The following LIPA variants were observed in gnomAD, a reference collection of about 807,000 sequenced individuals.
LIPA encodes the protein lysosomal acid lipase/cholesteryl ester hydrolase.
LIPA carries 26 observed loss-of-function variants against 40.6 expected under a neutral mutation model. The ratio of observed to expected loss-of-function variants is 0.64; its 90% confidence interval spans 0.47 to 0.89. The LOEUF (loss-of-function observed/expected upper bound fraction) is 0.89, where lower values mean the gene tolerates loss of function less well. Ranked by LOEUF, LIPA falls within the 40% of genes least tolerant of loss-of-function variation. LIPA has a pLI of 0.00. For synonymous variants in LIPA, 188 were observed against 168.4 expected (o/e 1.12, Z -0.90); for missense variants, 455 against 479.6 (o/e 0.95, Z 0.48).
chr10:89,302,845 C>T (rs1225565186), intron 1 of LIPA, among the ~76,000 whole-genome samples: 1 of 152,074 alleles, frequency 6.6e-6, no homozygotes, highest in Non-Finnish European at 1.5e-5. Context: ...GGTGGGGTGG[C>T]CGGACCTGGT....
chr10:89,339,683 G>A lies in LIPA; in HGVS notation c.-2+2928C>T, dbSNP rs1057193413. On this transcript the variant is annotated intron_variant, in intron 1 of 5. Coordinates refer to the LIPA transcript ENST00000282673. ...CTCGCTGAGTTCCTGGAGACGGAATGTTATCAGACACCATTCAATAAGGAA... is the reference window on the plus strand; with the variant it reads ...CTCGCTGAGTTCCTGGAGACGGAATATTATCAGACACCATTCAATAAGGAA... 1.9e-6 allele frequency: 3 copies of A among 1,614,198 alleles called. No individual in the cohort carries two copies. The highest frequency in any genetic ancestry group is 2.2e-5 in the South Asian group (2 of 91,086).
At chr10:89,380,866 T>C (rs1054277864) in intron 2 of LIPA, among the ~76,000 whole-genome samples, 7 of 152,220 alleles carry the variant, frequency 4.6e-5, no homozygotes, top group African/African-American at 1.7e-4. Flanking sequence ...TTCTACTCCT[T>C]AGTCTTCCCA....
At chr10:89,323,586 G>A (rs1288017565) in intron 1 of LIPA, among the ~76,000 whole-genome samples, 2 of 152,056 alleles carry the variant, frequency 1.3e-5, no homozygotes, top group Non-Finnish European at 1.5e-5. Flanking sequence ...CTTCAGCAAA[G>A]TTCCAGGATA....
intron 2 of LIPA, chr10:89,404,769 A>G (rs1449627963): frequency 6.6e-6 from 1 of 152,268 alleles, no homozygotes; most frequent in South Asian, 2.1e-4. Context: ...AGCCTTGGCA[A>G]TGGCAAAACC....
chr10:89,242,566 G>C lies in LIPA; in HGVS notation c.229+3110C>G, dbSNP rs116640429. On this transcript the variant is annotated intron_variant, in intron 3 of 9. Transcript: ENST00000336233. Reference sequence around the variant, plus strand: ...AGCCCTGTGTTCATAAAAAAAACCTGATCTCCAAGTGAGGCTACACAGTCA... The same window carrying C: ...AGCCCTGTGTTCATAAAAAAAACCTCATCTCCAAGTGAGGCTACACAGTCA... Among the ~76,000 whole-genome samples, 1,114 of 152,274 alleles carry C rather than the reference G, an allele frequency of 7.3e-3. 13 individuals carry two copies. Among genetic ancestry groups the C allele is most frequent in the African/African-American group, 0.026 (1,080 of 41,556 alleles).
intron 1 of LIPA, chr10:89,327,862 G>A (rs1324370606): frequency 1.9e-6 from 1 of 532,762 alleles, no homozygotes; most frequent in Non-Finnish European, 3.4e-6. Context: ...TCCTCCCAAC[G>A]ATTTTAAATT....
intron 1 of LIPA, chr10:89,339,005 T>C: frequency 6.2e-7 from 1 of 1,614,184 alleles, no homozygotes; most frequent in South Asian, 1.1e-5. Flanking sequence ...CAGATTTATG[T>C]AGATAAGGTG....
At chr10:89,376,031 A>G (rs1291533928) in intron 2 of LIPA, among the ~76,000 whole-genome samples, 1 of 151,988 alleles carries the variant, frequency 6.6e-6, no homozygotes, top group Non-Finnish European at 1.5e-5. Flanking sequence ...TACTAAAAAT[A>G]CAAAAAAATA....
At chr10:89,412,314 G>C (rs1180854899) in intron 2 of LIPA, among the ~76,000 whole-genome samples, 1 of 152,064 alleles carries the variant, frequency 6.6e-6, no homozygotes, top group African/African-American at 2.4e-5. Context: ...TCTGTGTGTA[G>C]CTAAAAGTTT....
intron 3 of LIPA, among the ~76,000 whole-genome samples, chr10:89,232,717 C>T (rs1842857436): frequency 6.6e-6 from 1 of 152,150 alleles, no homozygotes; most frequent in South Asian, 2.1e-4. Flanking sequence ...ACTCAGCTCC[C>T]CACCTTCTCT....
In LIPA at chr10:89,361,875, C is replaced by CTT. The variant is rs59818683; in HGVS notation, c.61+50914_61+50915dup. ...AATCCACCCCCCACCCTCCACCTGC[C>CTT]TTTTTTTTTTTTTTTTTTTTTTTTT... On this transcript the variant is annotated intron_variant, in intron 2 of 8. Coordinates refer to the LIPA transcript ENST00000371837. Among the ~76,000 whole-genome samples, 4 of 40,438 alleles carry CTT rather than the reference C, an allele frequency of 9.9e-5. 1 individual carries two copies. Among genetic ancestry groups the CTT allele is most frequent in the Non-Finnish European group, 1.9e-4 (4 of 21,234 alleles). 26.5% of individuals were successfully genotyped at this position (40,438 alleles called of 152,430 possible). A position where few individuals can be genotyped will look rare whatever the true frequency, so the allele number is the denominator to read the frequency against.
chr10:89,238,069 C>T (rs1454924022), intron 3 of LIPA, among the ~76,000 whole-genome samples: 1 of 152,208 alleles, frequency 6.6e-6, no homozygotes, highest in East Asian at 1.9e-4. Flanking sequence ...TAAATTCCTG[C>T]TGGAGAAAAG....
At position 89,224,974 on chromosome 10, in the gene LIPA, C is replaced by T. The variant is rs2297474; in HGVS notation, c.675+118G>A. On this transcript the variant is annotated intron_variant, in intron 6 of 9. Transcript: ENST00000336233. ...TAAACGGAAAAAGAAAAGCCCACTG[C>T]TCCACTGATATCAAAACGCAGGGGA... 54,918 of 1,299,314 alleles carry T rather than the reference C, an allele frequency of 0.042. 2,433 individuals are homozygous for T. Among genetic ancestry groups the T allele is most frequent in the African/African-American group, 0.22 (15,083 of 68,590 alleles). 80.5% of individuals were successfully genotyped at this position (1,299,314 alleles called of 1,614,324 possible).
intron 2 of LIPA, chr10:89,362,692 CA>C: frequency 1.5e-6 from 1 of 666,602 alleles, no homozygotes; most frequent in African/African-American, 1.9e-5. Flanking sequence ...AAGAAGTTTG[CA>C]AATGCTTCCC....
At chr10:89,365,628 T>A (rs1266904478) in intron 2 of LIPA, among the ~76,000 whole-genome samples, 1 of 152,094 alleles carries the variant, frequency 6.6e-6, no homozygotes, top group Middle Eastern at 3.2e-3. Context: ...AATTTTTGTA[T>A]AAGGTGTAAG....
chr10:89,307,057 T>G lies in LIPA; in HGVS notation c.-2+35554A>C, dbSNP rs775434792. The G allele has an allele frequency of 4.3e-6, 7 of 1,614,066 alleles. No individual in the cohort carries two copies. In the Admixed American group the frequency reaches 1.0e-4, roughly 23 times the overall value. ...AGGAATTCAGTAAAGAGCTTACTCC[T>G]GTAGCGAAACAACTGCTCCATCTGC... On this transcript the variant is annotated intron_variant, in intron 1 of 5. Transcript: ENST00000282673.
At chr10:89,384,480 A>T in intron 2 of LIPA, 2 of 1,614,188 alleles carry the variant, frequency 1.2e-6, no homozygotes, top group Non-Finnish European at 1.7e-6. Flanking sequence ...GTTTCCAAGA[A>T]CATCATGGGA....
At chr10:89,309,546 G>A (rs115891340) in intron 1 of LIPA, among the ~76,000 whole-genome samples, 6,038 of 152,210 alleles carry the variant, frequency 0.04, 399 homozygotes, top group African/African-American at 0.14. Context: ...TATTCTGAGT[G>A]GAAGGTTAAA....
In LIPA at chr10:89,353,350, C is replaced by T. The variant is rs139689730; in HGVS notation, c.61+59441G>A. On this transcript the variant is annotated intron_variant, in intron 2 of 8. Transcript: ENST00000371837. ...CACTTGACTGGTAGGGAAACAATGC[C>T]TCAAGTGAGCATGTGCACAATTTCA... 3.6e-3 allele frequency among the ~76,000 whole-genome samples: 543 copies of T among 152,238 alleles called. 10 individuals are homozygous for T. Among genetic ancestry groups the T allele is most frequent in the African/African-American group, 0.012 (481 of 41,528 alleles).
Sources: allele counts gnomAD v4.1 joint callset (sites outside exome capture counted in the v4.1 genomes callset), GRCh38; gene constraint gnomAD v4.1.1; transcripts MANE v1.5; gene names NCBI Gene and HGNC (gene_info 2026-07-23, HGNC 2026-07-21).